Variants in SENP6 observed in about 807,000 individuals in gnomAD.
The protein encoded by SENP6 is SUMO specific peptidase 6, also known as sentrin-specific protease 6.
Under a neutral mutation model 134.5 loss-of-function variants are expected in SENP6, and 41 were observed. The ratio of observed to expected loss-of-function variants is 0.30; its 90% CI spans 0.24 to 0.40. SENP6 has a LOEUF of 0.40. SENP6 is among the 10% of genes least tolerant of loss of function. The probability of loss-of-function intolerance (pLI) is 1.00; values close to 1 mark genes in which losing one functional copy is unlikely to be tolerated. For missense variants in SENP6, 1,248 were observed against 1,312.5 expected (o/e 0.95, Z 0.76); for synonymous variants, 395 against 429.8 (o/e 0.92, Z 1.00).
At position 75,705,924 on chromosome 6, in the gene SENP6, C is replaced by CTTTTTTTTTTTTTTTTTT. The variant is rs1562073188; in HGVS notation, c.2716+2852_2716+2853insTTTTTTTTTTTTTTTTTT. 7.2e-3 allele frequency among the ~76,000 whole-genome samples: 645 copies of CTTTTTTTTTTTTTTTTTT among 89,270 alleles called. 189 individuals carry two copies. The highest frequency in any genetic ancestry group is 0.014 in the Middle Eastern group (2 of 138). The allele number at this position is 89,270 out of a possible 152,430, so 58.6% of individuals were successfully genotyped here. A position where few individuals can be genotyped will look rare whatever the true frequency, so the allele number is the denominator to read the frequency against. ...AGTGAGTTAGAAAGCTATTTTTGAG[C>CTTTTTTTTTTTTTTTTTT]CTTTTTTTTTTTTTTTTTTTTTTTT... On this transcript the variant is annotated intron_variant, in intron 19 of 23. Coordinates refer to ENST00000447266, the MANE Select transcript of SENP6 (RefSeq NM_015571.4).
chr6:75,695,773 A>G, intron 16 of SENP6, 31 bp from the exon 17 acceptor site: 1 of 1,500,770 alleles, frequency 6.7e-7, no homozygotes, highest in East Asian at 2.3e-5. Flanking sequence ...CTGTTACATT[A>G]ATTATATTTG....
chr6:75,628,560 G>C (rs1768872647), intron 3 of SENP6, among the ~76,000 whole-genome samples: 1 of 151,970 alleles, frequency 6.6e-6, no homozygotes, highest in Non-Finnish European at 1.5e-5. Context: ...GAAACTTTCA[G>C]AACAATTTTA....
At chr6:75,700,285 C>A (rs997925390) in intron 18 of SENP6, among the ~76,000 whole-genome samples, 15 of 152,104 alleles carry the variant, frequency 9.9e-5, no homozygotes, top group Admixed American at 3.9e-4. Flanking sequence ...AAAAGCAAAA[C>A]CCTGGCTTAA....
At chr6:75,622,723 T>C (rs1265720745) in intron 2 of SENP6, 1 of 1,132,612 alleles carries the variant, frequency 8.8e-7, no homozygotes, top group African/African-American at 1.6e-5. Flanking sequence ...CAAGAAGTCA[T>C]TCAGAATATA....
At chr6:75,668,517 G>C (rs558890643) in intron 10 of SENP6, among the ~76,000 whole-genome samples, 1 of 152,288 alleles carries the variant, frequency 6.6e-6, no homozygotes, top group South Asian at 2.1e-4. Context: ...AATCCAAGTA[G>C]TGAAAATGAA....
At chr6:75,707,504 T>C (rs959130337) in intron 19 of SENP6, among the ~76,000 whole-genome samples, 3 of 151,508 alleles carry the variant, frequency 2.0e-5, no homozygotes, top group African/African-American at 4.9e-5. Context: ...GCTGGGACTA[T>C]AGGCATGTGT....
intron 3 of SENP6, among the ~76,000 whole-genome samples, chr6:75,625,112 CTTTTT>C (rs34953351): frequency 9.8e-5 from 11 of 112,174 alleles, no homozygotes; most frequent in African/African-American, 3.8e-4. Context: ...TGTGTGTGTC[CTTTTT>C]TTTTTTTTTT....
chr6:75,633,164 G>T (rs541697973), intron 3 of SENP6, among the ~76,000 whole-genome samples: 5 of 152,218 alleles, frequency 3.3e-5, no homozygotes, highest in African/African-American at 1.2e-4. Flanking sequence ...CAGAAACTTT[G>T]ATACTAAGGC....
Position 75,697,491 on chromosome 6 carries a change from T to C in SENP6, c.2262T>C (p.Asp754=), listed in dbSNP as rs759511551. 2.0e-5 allele frequency: 33 copies of C among 1,613,088 alleles called. No homozygotes were observed. The highest frequency in any genetic ancestry group is 4.5e-5 in the East Asian group (2 of 44,856). Residue 754 remains aspartate, a synonymous_variant, in exon 18 of 24, where the codon GAT becomes GAC. Transcript: ENST00000447266. ...WTRHVDIFEK[D]FIFVPLNEAA... ...GGCACGTAGATATTTTTGAGAAGGA[T>C]TTTATTTTTGTACCCCTTAATGAAG...
At chr6:75,607,231 C>A (rs1767094874) in intron 1 of SENP6, among the ~76,000 whole-genome samples, 2 of 151,778 alleles carry the variant, frequency 1.3e-5, no homozygotes, top group Admixed American at 1.3e-4. Context: ...CCCAGGAGGG[C>A]GAGGCTGCAG....
At chr6:75,640,371 A>G (rs548788896) in intron 5 of SENP6, among the ~76,000 whole-genome samples, 1 of 152,294 alleles carries the variant, frequency 6.6e-6, no homozygotes, top group South Asian at 2.1e-4. Flanking sequence ...GGGGTCTTGG[A>G]AAGGATCGTT....
intron 16 of SENP6, among the ~76,000 whole-genome samples, chr6:75,683,500 G>A (rs1198750287): frequency 6.6e-6 from 1 of 152,156 alleles, no homozygotes; most frequent in Non-Finnish European, 1.5e-5. Context: ...GTATTGCCTA[G>A]GTTTTCTTCT....
At position 75,602,282 on chromosome 6, in the gene SENP6, G is replaced by C. The variant is rs1766679072; in HGVS notation, c.-243G>C. 2.5e-6 allele frequency: 1 copy of C among 394,358 alleles called. No homozygotes were observed. The highest frequency in any genetic ancestry group is 4.5e-6 in the Non-Finnish European group (1 of 222,972). 24.4% of individuals were successfully genotyped at this position (394,358 alleles called of 1,614,324 possible). ...TCGTCGTCGCCGGTCGCGTTCCCCC[G>C]GAGAGGCCTGAGAAGCTCGGGCCGC... On this transcript the variant is annotated 5_prime_UTR_variant, in exon 1 of 24. Coordinates refer to ENST00000447266, the MANE Select transcript of SENP6 (RefSeq NM_015571.4).
intron 3 of SENP6, among the ~76,000 whole-genome samples, chr6:75,630,499 A>G (rs182715272): frequency 2.7e-4 from 41 of 152,318 alleles, no homozygotes; most frequent in African/African-American, 8.7e-4. Context: ...TCTGGGCCTG[A>G]TAAATTTTGC....
chr6:75,685,424 A>G (rs947461171), intron 16 of SENP6, among the ~76,000 whole-genome samples: 3 of 151,798 alleles, frequency 2.0e-5, no homozygotes, highest in Non-Finnish European at 2.9e-5. Context: ...GCCTTCTGCT[A>G]GCTTTTGAAT....
At chr6:75,668,301 A>G (rs969528411) in intron 10 of SENP6, among the ~76,000 whole-genome samples, 3 of 152,182 alleles carry the variant, frequency 2.0e-5, no homozygotes, top group Non-Finnish European at 2.9e-5. Context: ...GAAAAGATGA[A>G]TATATTTGAT....
intron 2 of SENP6, among the ~76,000 whole-genome samples, chr6:75,622,039 C>T (rs1768313180): frequency 6.6e-6 from 1 of 152,012 alleles, no homozygotes; most frequent in African/African-American, 2.4e-5. Flanking sequence ...TCTTTCTTCC[C>T]CAGTTGTGAC....
At chr6:75,631,537 G>A (rs370719224) in intron 3 of SENP6, among the ~76,000 whole-genome samples, 9 of 152,114 alleles carry the variant, frequency 5.9e-5, no homozygotes, top group South Asian at 2.1e-4. Flanking sequence ...TGGTTTTTAC[G>A]TTTTTAAATG....
intron 19 of SENP6, among the ~76,000 whole-genome samples, chr6:75,703,541 A>G (rs1420370480): frequency 6.6e-6 from 1 of 152,168 alleles, no homozygotes; most frequent in Non-Finnish European, 1.5e-5. Flanking sequence ...TGGGCAGATC[A>G]CTTGAGCTCA....
Sources: allele counts gnomAD v4.1 joint callset (sites outside exome capture counted in the v4.1 genomes callset), GRCh38; gene constraint gnomAD v4.1.1; transcripts MANE v1.5; gene names NCBI Gene and HGNC (gene_info 2026-07-23, HGNC 2026-07-21).